The following ADAM2 variants were observed in gnomAD, a reference collection of about 807,000 sequenced individuals.
The protein encoded by ADAM2 is ADAM metallopeptidase domain 2, also known as disintegrin and metalloproteinase domain-containing protein 2.
A neutral mutation model predicts 99.3 loss-of-function variants in ADAM2; 101 were observed. That is an observed-to-expected ratio of 1.02 (90% CI 0.87 to 1.20). The LOEUF is 1.20. Ranked by LOEUF, ADAM2 falls within the 50% of genes most tolerant of loss-of-function variation. ADAM2 has a pLI of 0.00. For missense variants in ADAM2, 948 were observed against 878.7 expected, an observed-to-expected ratio of 1.08 and a Z score of -1.00; for synonymous variants, 323 against 287.6, an observed-to-expected ratio of 1.12 and a Z score of -1.25.
At chr8:39,808,521 A>G (rs1043698946) in intron 7 of ADAM2, among the ~76,000 whole-genome samples, 1 of 152,206 alleles carries the variant, frequency 6.6e-6, no homozygotes, top group African/African-American at 2.4e-5. Flanking sequence ...TAGAATTAAC[A>G]CAGTCTCTAT....
chr8:39,767,076 G>T, intron 13 of ADAM2, 33 bp from the exon 14 acceptor site: 1 of 1,605,198 alleles, frequency 6.2e-7, no homozygotes, highest in Non-Finnish European at 8.5e-7. Flanking sequence ...ATTGAATTAA[G>T]CAGAATGAGA....
intron 18 of ADAM2, 39 bp downstream of exon 18, chr8:39,749,273 T>C: frequency 6.6e-7 from 1 of 1,519,810 alleles, no homozygotes; most frequent in Non-Finnish European, 8.9e-7. Flanking sequence ...AAATTCAAAT[T>C]ATGTTTTAAT....
intron 14 of ADAM2, among the ~76,000 whole-genome samples, chr8:39,764,401 G>A (rs1283151234): frequency 2.0e-5 from 3 of 152,178 alleles, no homozygotes; most frequent in African/African-American, 4.8e-5. Context: ...GACCCTCACT[G>A]CCCTCTTCCC....
intron 3 of ADAM2, among the ~76,000 whole-genome samples, chr8:39,826,987 G>C (rs1161778145): frequency 6.6e-6 from 1 of 151,746 alleles, no homozygotes; most frequent in Non-Finnish European, 1.5e-5. Context: ...GAAAAGATTT[G>C]CCAACTATAC....
At chr8:39,809,317 T>A in intron 7 of ADAM2, 93 bp downstream of exon 7, 1 of 651,110 alleles carries the variant, frequency 1.5e-6, no homozygotes, top group South Asian at 1.9e-5. Context: ...GGCAAAATTA[T>A]CAATTCTTTT....
At chr8:39,747,247 T>C (rs964405465) in intron 18 of ADAM2, among the ~76,000 whole-genome samples, 1 of 152,210 alleles carries the variant, frequency 6.6e-6, no homozygotes, top group African/African-American at 2.4e-5. Context: ...TGAACGTACA[T>C]GCTACCTTGA....
At chr8:39,787,826 G>A (rs1227026051) in intron 9 of ADAM2, among the ~76,000 whole-genome samples, 1 of 151,616 alleles carries the variant, frequency 6.6e-6, no homozygotes, top group African/African-American at 2.4e-5. Flanking sequence ...TATTGTGTGA[G>A]ATTTTTAATA....
chr8:39,813,496 G>A (rs969671731), intron 6 of ADAM2, among the ~76,000 whole-genome samples: 7 of 152,060 alleles, frequency 4.6e-5, no homozygotes, highest in South Asian at 2.1e-4. Context: ...CACTATTCAC[G>A]ATAGCAAAGA....
intron 16 of ADAM2, among the ~76,000 whole-genome samples, chr8:39,754,725 T>G (rs1320454033): frequency 6.6e-6 from 1 of 152,248 alleles, no homozygotes; most frequent in African/African-American, 2.4e-5. Context: ...GCTTACTGTA[T>G]TCTGTTACTT....
chr8:39,766,919 A>G lies in ADAM2; in HGVS notation c.1436T>C (p.Leu479Pro), dbSNP rs139093110. 1.3e-3 allele frequency: 2,083 copies of G among 1,614,118 alleles called. 2 individuals are homozygous for G. The highest frequency in any genetic ancestry group is 1.7e-3 in the Non-Finnish European group (1,985 of 1,179,964). Residue 479 changes from leucine (L) to proline (P), a missense_variant, in exon 14 of 21, where the codon CTG (leucine) becomes CCG (proline). By Grantham distance (98) the Leu-to-Pro change is moderately conservative. Coordinates refer to ENST00000265708, the MANE Select transcript of ADAM2 (RefSeq NM_001464.5). ...HYVQTGHPCG[L>P]NQWICIDGVC... ...TCCATCTATACAGATCCATTGATTC[A>G]GTCCACACGGATGCCCAGTCTGAAC...
intron 10 of ADAM2, among the ~76,000 whole-genome samples, chr8:39,785,796 T>TAAAAAAA (rs58429092): frequency 1.6e-4 from 20 of 122,484 alleles, no homozygotes; most frequent in African/African-American, 2.1e-4. Context: ...CTGTCTCAAA[T>TAAAAAAA]AAAAAAAAAA....
chr8:39,816,769 G>A (rs1013155945), intron 6 of ADAM2, among the ~76,000 whole-genome samples: 4 of 152,196 alleles, frequency 2.6e-5, no homozygotes, highest in Admixed American at 6.5e-5. Context: ...CGGGAAGACA[G>A]GGGAATGAAG....
chr8:39,805,715 T>A (rs1422118438), intron 7 of ADAM2, among the ~76,000 whole-genome samples: 1 of 152,264 alleles, frequency 6.6e-6, no homozygotes, highest in South Asian at 2.1e-4. Flanking sequence ...CCTATTAAAG[T>A]AGAATGACAT....
chr8:39,787,953 G>T, intron 9 of ADAM2, 132 bp downstream of exon 9: 1 of 552,618 alleles, frequency 1.8e-6, no homozygotes, highest in Non-Finnish European at 2.9e-6. Flanking sequence ...ACCATGTTGT[G>T]AAAAATATTT....
At chr8:39,760,718 CA>C (rs1802324584) in intron 15 of ADAM2, among the ~76,000 whole-genome samples, 1 of 144,838 alleles carries the variant, frequency 6.9e-6, no homozygotes, top group Non-Finnish European at 1.5e-5. Context: ...GAGACTCCTT[CA>C]AAAAAATAAA....
intron 7 of ADAM2, among the ~76,000 whole-genome samples, chr8:39,790,778 T>C (rs981107128): frequency 1.3e-5 from 2 of 151,868 alleles, no homozygotes; most frequent in Non-Finnish European, 2.9e-5. Context: ...TTCAAGGAGA[T>C]CAGTGGTACA....
Position 39,821,150 on chromosome 8 carries a change from T to C in ADAM2, c.365A>G (p.Asn122Ser), listed in dbSNP as rs1805171641. ...TGLRGVLQFE[N>S]VSYGIEPLES... ...CAGGGGTTCTATTCCATAACTAACATTTTCAAACTGTAGTACGCCCCTAAA... is the reference window on the plus strand; with the variant it reads ...CAGGGGTTCTATTCCATAACTAACACTTTCAAACTGTAGTACGCCCCTAAA... The change falls in exon 6 of 21, where the codon AAT becomes AGT. Residue 122 changes from asparagine to serine, a missense_variant. Transcript: ENST00000265708. The C allele has an allele frequency of 2.5e-6, 4 of 1,600,080 alleles. No homozygotes were observed. The highest frequency in any genetic ancestry group is 3.4e-6 in the Non-Finnish European group (4 of 1,174,970).
At chr8:39,785,945 A>G (rs1405801607) in intron 10 of ADAM2, among the ~76,000 whole-genome samples, 1 of 152,166 alleles carries the variant, frequency 6.6e-6, no homozygotes, top group Non-Finnish European at 1.5e-5. Flanking sequence ...GGATAAAGAA[A>G]ATGTGATACA....
At position 39,761,210 on chromosome 8, in the gene ADAM2, T is replaced by A; in HGVS notation, c.1579A>T (p.Ile527Leu). The change falls in exon 15 of 21, where the codon ATA (isoleucine) becomes TTA (leucine). Residue 527 changes from isoleucine to leucine, a missense_variant. Physicochemically the swap from Ile to Leu is conservative, Grantham distance 5. Coordinates refer to ENST00000265708, the MANE Select transcript of ADAM2 (RefSeq NM_001464.5). ...CACTGTGTGTATCCTGAATCACTTA[T>A]ACCACAGTTTCCAGATACATCAGTC... is the stretch of plus-strand genomic sequence containing the variant. ...SKTDVSGNCGISDSGYTQCEA... is the reference protein window; with the variant it reads ...SKTDVSGNCGLSDSGYTQCEA... The A allele has an allele frequency of 1.2e-6, 2 of 1,604,262 alleles. No individual in the cohort carries two copies. Among genetic ancestry groups the A allele is most frequent in the Non-Finnish European group, 1.7e-6 (2 of 1,174,530 alleles).
Sources: gnomAD v4.1 joint callset for allele counts (sites outside exome capture counted in the v4.1 genomes callset) on GRCh38, gnomAD v4.1.1 for gene constraint, MANE v1.5 for transcripts, NCBI Gene and HGNC (gene_info 2026-07-23, HGNC 2026-07-21) for gene names.